Variants in PDLIM5 observed in about 807,000 individuals in gnomAD.
PDLIM5 encodes the protein PDZ and LIM domain protein 5.
In PDLIM5, 34 loss-of-function variants were observed where a neutral mutation model predicts 64.2. The observed-to-expected ratio is 0.53, with a 90% CI of 0.40 to 0.71. The LOEUF (loss-of-function observed/expected upper bound fraction) is 0.71. Among genes scored for constraint, PDLIM5 ranks in the 30% least tolerant of loss-of-function variants. PDLIM5 has a pLI of 0.00. For synonymous variants in PDLIM5, 253 were observed against 269.1 expected (o/e 0.94, Z 0.59); for missense variants, 683 against 733.6 (o/e 0.93, Z 0.80).
intron 7 of PDLIM5, chr4:94,610,409 A>C: frequency 1.7e-6 from 1 of 573,060 alleles, no homozygotes; most frequent in South Asian, 3.4e-5. Flanking sequence ...TCATAGCTCT[A>C]TTGTGAGCTC....
At chr4:94,560,223 C>G (rs1733716061) in intron 3 of PDLIM5, among the ~76,000 whole-genome samples, 1 of 152,128 alleles carries the variant, frequency 6.6e-6, no homozygotes, top group African/African-American at 2.4e-5. Flanking sequence ...GGTGATTGAA[C>G]ATGTAACTGC....
chr4:94,608,198 T>G, intron 7 of PDLIM5: 1 of 1,506,746 alleles, frequency 6.6e-7, no homozygotes, highest in Non-Finnish European at 8.9e-7. Flanking sequence ...TCCTTCTTGG[T>G]GTTTCTAAAT....
intron 3 of PDLIM5, among the ~76,000 whole-genome samples, chr4:94,566,028 A>T (rs1376622480): frequency 6.6e-6 from 1 of 152,230 alleles, no homozygotes; most frequent in Non-Finnish European, 1.5e-5. Flanking sequence ...GTTTGTTAAT[A>T]GAAAGTAGTT....
At chr4:94,614,812 T>G (rs2110386609) in intron 7 of PDLIM5, among the ~76,000 whole-genome samples, 1 of 152,336 alleles carries the variant, frequency 6.6e-6, no homozygotes, top group African/African-American at 2.4e-5. Flanking sequence ...TATATGATAC[T>G]TATTCTGTGG....
chr4:94,647,779 T>C (rs1386656505), intron 9 of PDLIM5, among the ~76,000 whole-genome samples: 1 of 152,144 alleles, frequency 6.6e-6, no homozygotes, highest in Non-Finnish European at 1.5e-5. Context: ...CGAGTTTCAA[T>C]AAATTTAAAA....
intron 7 of PDLIM5, among the ~76,000 whole-genome samples, chr4:94,595,071 G>C (rs182346398): frequency 6.6e-6 from 1 of 152,250 alleles, no homozygotes; most frequent in African/African-American, 2.4e-5. Flanking sequence ...GCAGGAGAGA[G>C]AGAGAAGGGG....
intron 3 of PDLIM5, among the ~76,000 whole-genome samples, chr4:94,554,573 C>T (rs935943314): frequency 6.6e-6 from 1 of 152,140 alleles, no homozygotes; most frequent in Non-Finnish European, 1.5e-5. Flanking sequence ...GTACCTGCTG[C>T]CATGCAACTG....
At chr4:94,635,089 G>A (rs1177766803) in intron 8 of PDLIM5, among the ~76,000 whole-genome samples, 1 of 152,114 alleles carries the variant, frequency 6.6e-6, no homozygotes, top group African/African-American at 2.4e-5. Flanking sequence ...TGAACCTTTA[G>A]AAGACTCATA....
intron 2 of PDLIM5, among the ~76,000 whole-genome samples, chr4:94,479,522 C>G (rs577576203): frequency 4.0e-5 from 6 of 149,796 alleles, no homozygotes; most frequent in African/African-American, 1.5e-4. Flanking sequence ...GTAGAGATGG[C>G]ATTTTCCCAT....
chr4:94,461,346 T>G (rs1234793582), intron 2 of PDLIM5, among the ~76,000 whole-genome samples: 7 of 152,104 alleles, frequency 4.6e-5, no homozygotes, highest in Admixed American at 3.3e-4. Context: ...AATGACCTAA[T>G]GGAAATGAAA....
At position 94,643,504 on chromosome 4, in the gene PDLIM5, A is replaced by T. The variant is rs138745704; in HGVS notation, c.1283+3054A>T. ...TCCGTGGTAGAATGGGGTTTTGAAC[A>T]TTCTAGTTTATTTCTTAAGTGTTAC... On this transcript the variant is annotated intron_variant, in intron 9 of 12. Transcript: ENST00000317968. Among the ~76,000 whole-genome samples, 897 of 152,292 alleles carry T rather than the reference A, an allele frequency of 5.9e-3. 9 individuals are homozygous for T. Among genetic ancestry groups the T allele is most frequent in the African/African-American group, 0.02 (847 of 41,580 alleles).
At chr4:94,662,119 A>G (rs1742779033) in intron 11 of PDLIM5, among the ~76,000 whole-genome samples, 1 of 152,110 alleles carries the variant, frequency 6.6e-6, no homozygotes, top group Non-Finnish European at 1.5e-5. Context: ...GCGCCCGGCC[A>G]GAACAGTTCT....
Position 94,667,141 on chromosome 4 carries a change from A to C in PDLIM5, c.*3074A>C, listed in dbSNP as rs931705446. ...GAATGCTGTACTTGGCATAACATAG[A>C]TTAAAATCATAATGCATGACTAAAA... On this transcript the variant is annotated 3_prime_UTR_variant, in exon 13 of 13. Coordinates refer to ENST00000317968, the MANE Select transcript of PDLIM5 (RefSeq NM_006457.5). 1 of 152,238 alleles carries C rather than the reference A, an allele frequency of 6.6e-6. No individual in the cohort carries two copies. Among genetic ancestry groups the C allele is most frequent in the Non-Finnish European group, 1.5e-5 (1 of 68,050 alleles). The allele number at this position is 152,238 out of a possible 1,614,324, so 9.4% of individuals were successfully genotyped here.
intron 7 of PDLIM5, among the ~76,000 whole-genome samples, chr4:94,602,123 C>G (rs1737551758): frequency 6.6e-6 from 1 of 152,104 alleles, no homozygotes; most frequent in African/African-American, 2.4e-5. Context: ...TCATTTTCCT[C>G]CTTTACCTTT....
At chr4:94,550,456 A>G (rs1262044656) in intron 3 of PDLIM5, among the ~76,000 whole-genome samples, 1 of 152,210 alleles carries the variant, frequency 6.6e-6, no homozygotes, top group Non-Finnish European at 1.5e-5. Flanking sequence ...TTTAAGCTCT[A>G]TCTGTTGTCA....
In PDLIM5 at chr4:94,577,334, A is replaced by G. The variant is rs746997051; in HGVS notation, c.710+1300A>G. 4.6e-5 allele frequency: 21 copies of G among 456,380 alleles called. No homozygotes were observed. In the Middle Eastern group the frequency reaches 1.6e-3, roughly 35 times the overall value. The allele number at this position is 456,380 out of a possible 1,614,324, so 28.3% of individuals were successfully genotyped here. A position where few individuals can be genotyped will look rare whatever the true frequency, so the allele number is the denominator to read the frequency against. ...TTTCTGTAGCACTGCTGCCATGGCA[A>G]CTTTGGGGCTTTGAAAGAGAAGGTG... On this transcript the variant is annotated intron_variant, in intron 5 of 12. Coordinates refer to ENST00000317968, the MANE Select transcript of PDLIM5 (RefSeq NM_006457.5).
chr4:94,561,017 G>A (rs963221932), intron 3 of PDLIM5, among the ~76,000 whole-genome samples: 2 of 152,200 alleles, frequency 1.3e-5, no homozygotes, highest in East Asian at 1.9e-4. Context: ...TTGAGCCACC[G>A]CGCCCAGCCA....
intron 2 of PDLIM5, among the ~76,000 whole-genome samples, chr4:94,496,808 C>G (rs752463397): frequency 6.6e-6 from 1 of 152,298 alleles, no homozygotes; most frequent in Non-Finnish European, 1.5e-5. Context: ...GCACATTTGA[C>G]CTAATGAACT....
intron 7 of PDLIM5, chr4:94,611,175 G>T: frequency 6.5e-7 from 1 of 1,535,268 alleles, no homozygotes; most frequent in South Asian, 1.2e-5. Flanking sequence ...GAAATCAACT[G>T]GCTCTATCCA....
Sources: allele counts gnomAD v4.1 joint callset (sites outside exome capture counted in the v4.1 genomes callset), GRCh38; gene constraint gnomAD v4.1.1; transcripts MANE v1.5; gene names NCBI Gene and HGNC (gene_info 2026-07-23, HGNC 2026-07-21).